Variants in BDNF observed in about 807,000 individuals in gnomAD.
The protein encoded by BDNF is brain derived neurotrophic factor.
A neutral mutation model predicts 19.5 loss-of-function variants in BDNF; 1 was observed. The observed-to-expected ratio is 0.05, with a 90% CI of 0.02 to 0.24. BDNF has a LOEUF of 0.24. Ranked by LOEUF, BDNF falls within the 10% of genes least tolerant of loss-of-function variation. BDNF has a pLI of 1.00. For missense variants in BDNF, 195 were observed against 317.6 expected (o/e 0.61, Z 2.93); for synonymous variants, 100 against 121.6 (o/e 0.82, Z 1.17).
chr11:27,674,120 A>G, intron 1 of BDNF: 1 of 1,612,144 alleles, frequency 6.2e-7, no homozygotes, highest in Non-Finnish European at 8.5e-7. Context: ...GGAGGTACAC[A>G]GCACAGCCCT....
At chr11:27,672,347 T>C (rs1855504750) in intron 1 of BDNF, among the ~76,000 whole-genome samples, 1 of 152,186 alleles carries the variant, frequency 6.6e-6, no homozygotes, top group Non-Finnish European at 1.5e-5. Flanking sequence ...ATCAGAATCA[T>C]ACTGGAAACG....
chr11:27,714,957 G>A (rs916187862), intron 1 of BDNF, among the ~76,000 whole-genome samples: 4 of 152,112 alleles, frequency 2.6e-5, no homozygotes, highest in African/African-American at 9.7e-5. Context: ...TATGAGTCCA[G>A]AGGTCTGTCC....
At chr11:27,683,393 A>C (rs1857091780) in intron 1 of BDNF, among the ~76,000 whole-genome samples, 1 of 152,138 alleles carries the variant, frequency 6.6e-6, no homozygotes, top group African/African-American at 2.4e-5. Flanking sequence ...TTTGCTGTGC[A>C]GAAGCTCTTT....
chr11:27,714,651 A>T (rs985037314), intron 1 of BDNF, among the ~76,000 whole-genome samples: 1 of 152,158 alleles, frequency 6.6e-6, no homozygotes, highest in Non-Finnish European at 1.5e-5. Flanking sequence ...TTAACAAGTT[A>T]AAAATTTGCG....
At chr11:27,666,317 G>A (rs927709089) in intron 1 of BDNF, among the ~76,000 whole-genome samples, 2 of 152,214 alleles carry the variant, frequency 1.3e-5, no homozygotes, top group Non-Finnish European at 2.9e-5. Flanking sequence ...AAGATGGGGA[G>A]AAACCAGAGC....
At chr11:27,700,583 A>C (rs1266474243), upstream of BDNF, 12 of 938,306 alleles carry the variant, frequency 1.3e-5, no homozygotes, top group Non-Finnish European at 1.5e-5. Context: ...TACCCGTTCG[A>C]GGCGGCCGCT....
Position 27,699,484 on chromosome 11 carries a change from T to C in BDNF, c.-22+680A>G, listed in dbSNP as rs538220947. 23 of 1,613,906 alleles carry C rather than the reference T, an allele frequency of 1.4e-5. No homozygotes were observed. In the African/African-American group the frequency reaches 2.1e-4, roughly 15 times the overall value. On this transcript the variant is annotated intron_variant, in intron 1 of 1. Coordinates refer to ENST00000356660, the MANE Select transcript of BDNF (RefSeq NM_001709.5). ...CGAAAGTCAAAACTCTTAACTTCCC[T>C]GGAGGGCGCTTCAGAAGAGGGGCGC...
upstream of BDNF, chr11:27,700,541 GC>G: frequency 1.5e-6 from 1 of 667,728 alleles, no homozygotes; most frequent in Non-Finnish European, 1.7e-6. Context: ...CCCGCCCCCC[GC>G]CCCCCGCTCC....
upstream of BDNF, chr11:27,701,355 G>A: frequency 9.2e-7 from 1 of 1,082,304 alleles, no homozygotes; most frequent in Non-Finnish European, 1.1e-6. Flanking sequence ...GAAAGACTTC[G>A]GCCCCAAAAC....
intron 1 of BDNF, chr11:27,675,850 C>T (rs967388351): frequency 6.6e-6 from 1 of 152,006 alleles, no homozygotes; most frequent in South Asian, 2.1e-4. Flanking sequence ...TCAAAACAGC[C>T]AAAGGAAGGA....
intron 1 of BDNF, among the ~76,000 whole-genome samples, chr11:27,714,610 T>C (rs114613084): frequency 4.5e-4 from 69 of 152,290 alleles, no homozygotes; most frequent in African/African-American, 1.5e-3. Flanking sequence ...GGTTCAAATA[T>C]GTTACTTTGA....
rs1050432725 is a variant in BDNF at position 27,656,697 on chromosome 11, C to T, written c.*1124G>A. ...AGGGCTCTACCTTTTGCTTACAAGACATTGTTAAGCCTCACCATGAGTTTT... is the reference window on the plus strand; with the variant it reads ...AGGGCTCTACCTTTTGCTTACAAGATATTGTTAAGCCTCACCATGAGTTTT... On this transcript the variant is annotated 3_prime_UTR_variant, in exon 2 of 2. Coordinates refer to ENST00000356660, the MANE Select transcript of BDNF (RefSeq NM_001709.5). The T allele has an allele frequency of 2.0e-6, 2 of 985,400 alleles. No homozygotes were observed. The highest frequency in any genetic ancestry group is 1.7e-5 in the African/African-American group (1 of 57,210). 61.0% of individuals were successfully genotyped at this position (985,400 alleles called of 1,614,324 possible). A position where few individuals can be genotyped will look rare whatever the true frequency, so the allele number is the denominator to read the frequency against.
In BDNF at chr11:27,657,764, A is replaced by G; in HGVS notation, c.*57T>C. The G allele has an allele frequency of 6.3e-7, 1 of 1,597,810 alleles. No individual in the cohort carries two copies. The highest frequency in any genetic ancestry group is 1.7e-5 in the Admixed American group (1 of 59,724). ...CTGAATAATTTACCCTGTTATGTAT[A>G]TATACAAATAGATAATTTTTGTCTC... On this transcript the variant is annotated 3_prime_UTR_variant, in exon 2 of 2. Transcript: ENST00000356660. The surrounding 1 kb of genome is among the most constrained non-coding windows in gnomAD (Gnocchi z 5.0).
rs1852440750 is a variant in BDNF at position 27,655,505 on chromosome 11, C to T, written c.*2316G>A. 6.6e-6 allele frequency: 1 copy of T among 152,128 alleles called. No homozygotes were observed. The highest frequency in any genetic ancestry group is 2.4e-5 in the African/African-American group (1 of 41,408). The allele number at this position is 152,128 out of a possible 1,614,324, so 9.4% of individuals were successfully genotyped here. ...ATAAAGTTGACATACAGCAGATATTCCAAGCATTCCTTACATATTAAAAAT... is the reference window on the plus strand; with the variant it reads ...ATAAAGTTGACATACAGCAGATATTTCAAGCATTCCTTACATATTAAAAAT... On this transcript the variant is annotated 3_prime_UTR_variant, in exon 2 of 2. Coordinates refer to ENST00000356660, the MANE Select transcript of BDNF (RefSeq NM_001709.5).
At chr11:27,685,651 A>G (rs1304641548) in intron 1 of BDNF, among the ~76,000 whole-genome samples, 3 of 152,050 alleles carry the variant, frequency 2.0e-5, no homozygotes, top group African/African-American at 7.2e-5. Context: ...TCTTTTTGTT[A>G]TTTACTCAGT....
At chr11:27,685,823 GT>G (rs368949058) in intron 1 of BDNF, among the ~76,000 whole-genome samples, 9 of 151,410 alleles carry the variant, frequency 5.9e-5, no homozygotes, top group Middle Eastern at 3.4e-3. Context: ...TTCCAATTAT[GT>G]GGTCAATTTT....
chr11:27,708,825 C>CTTTTTTTT (rs67977614), intron 1 of BDNF, among the ~76,000 whole-genome samples: 4 of 112,434 alleles, frequency 3.6e-5, no homozygotes, highest in Admixed American at 1.1e-4. Context: ...TAGAATTCCT[C>CTTTTTTTT]TTTTTTTTTT....
rs185996423 is a variant in BDNF at position 27,660,694 on chromosome 11, C to T, written c.-21-2109G>A. 3.3e-5 allele frequency among the ~76,000 whole-genome samples: 5 copies of T among 150,506 alleles called. No homozygotes were observed. In the East Asian group the frequency reaches 9.8e-4, roughly 30 times the overall value. The stretch of plus-strand genomic sequence containing the variant: ...TATTTAATCAAATCTAAGATACCAT[C>T]ATTGTGAAACTCGACATTTTATATA... On this transcript the variant is annotated intron_variant, in intron 1 of 1. Transcript: ENST00000356660.
At position 27,658,733 on chromosome 11, in the gene BDNF, A is replaced by G; in HGVS notation, c.-21-148T>C. 1.3e-6 allele frequency: 2 copies of G among 1,542,268 alleles called. No homozygotes were observed. The highest frequency in any genetic ancestry group is 1.7e-6 in the Non-Finnish European group (2 of 1,144,576). On this transcript the variant is annotated intron_variant, in intron 1 of 1. Coordinates refer to ENST00000356660, the MANE Select transcript of BDNF (RefSeq NM_001709.5). The surrounding 1 kb of genome is among the most constrained non-coding windows in gnomAD (Gnocchi z 5.7). Reference sequence around the variant, plus strand: ...TGGTGATAAACTCCAGCTGCACCAGACACAAATCAGTGTCAGTAGTGTGCT... The same window carrying G: ...TGGTGATAAACTCCAGCTGCACCAGGCACAAATCAGTGTCAGTAGTGTGCT...
Sources: allele counts gnomAD v4.1 joint callset (sites outside exome capture counted in the v4.1 genomes callset), GRCh38; gene constraint gnomAD v4.1.1; non-coding constraint Gnocchi (gnomAD v3.1); transcripts MANE v1.5; gene names NCBI Gene and HGNC (gene_info 2026-07-23, HGNC 2026-07-21).